Variants in NHS observed in about 807,000 individuals in gnomAD.
NHS encodes the protein NHS actin remodeling regulator.
Under a neutral mutation model 72.5 loss-of-function variants are expected in NHS, and 5 were observed. The ratio of observed to expected loss-of-function variants is 0.07; its 90% confidence interval spans 0.04 to 0.14. The LOEUF (loss-of-function observed/expected upper bound fraction) is 0.14, where lower values mean the gene tolerates loss of function less well. Ranked by LOEUF, NHS falls within the 10% of genes least tolerant of loss-of-function variation. The pLI, the probability that NHS is intolerant of heterozygous loss-of-function variation, is 1.00. For missense variants in NHS, 1,072 were observed against 1,355.7 expected, an observed-to-expected ratio of 0.79 and a Z score of 3.29; for synonymous variants, 464 against 547.7, an observed-to-expected ratio of 0.85 and a Z score of 2.13.
chrX:17,721,162 G>A (rs944398696), intron 4 of NHS, among the ~76,000 whole-genome samples: 1 of 111,835 alleles, frequency 8.9e-6, no homozygotes, highest in Non-Finnish European at 1.9e-5. Flanking sequence ...AATTTTCTTT[G>A]GTGTAAAGTT....
intron 1 of NHS, among the ~76,000 whole-genome samples, chrX:17,419,901 T>C (rs1166011185): frequency 1.8e-5 from 2 of 112,158 alleles, no homozygotes; most frequent in Non-Finnish European, 3.8e-5. Context: ...CTAATATTTC[T>C]AGATATTGGG....
chrX:17,661,687 T>C (rs2065983446), intron 1 of NHS, among the ~76,000 whole-genome samples: 1 of 111,567 alleles, frequency 9.0e-6, no homozygotes, highest in Admixed American at 9.5e-5. Flanking sequence ...CAGTGGCTAC[T>C]TTGATTCACT....
At chrX:17,395,415 T>C (rs1335636804) in intron 1 of NHS, among the ~76,000 whole-genome samples, 1 of 112,167 alleles carries the variant, frequency 8.9e-6, no homozygotes, top group Non-Finnish European at 1.9e-5. Flanking sequence ...ACATGCTGAT[T>C]GTCTAAAATA....
At chrX:17,409,591 G>C (rs774510788) in intron 1 of NHS, among the ~76,000 whole-genome samples, 1 of 111,268 alleles carries the variant, frequency 9.0e-6, no homozygotes, top group Admixed American at 9.6e-5. Context: ...ATGTCTAAGG[G>C]GTGTCACCAG....
chrX:17,676,657 G>A (rs924839028), intron 1 of NHS, among the ~76,000 whole-genome samples: 4 of 112,439 alleles, frequency 3.6e-5, no homozygotes, highest in Non-Finnish European at 7.5e-5. Flanking sequence ...TCTTCAGGGG[G>A]TGTGGGGCTG....
At chrX:17,509,923 G>A (rs565146839) in intron 1 of NHS, among the ~76,000 whole-genome samples, 21 of 112,595 alleles carry the variant, frequency 1.9e-4, no homozygotes, top group East Asian at 2.8e-4. Context: ...CAATTCCAGC[G>A]TCTCTACATT....
At chrX:17,646,565 A>G (rs1363190578) in intron 1 of NHS, among the ~76,000 whole-genome samples, 1 of 111,581 alleles carries the variant, frequency 9.0e-6, no homozygotes, top group Non-Finnish European at 1.9e-5. Context: ...TGCTCTGGAA[A>G]TGTCATTTCT....
At chrX:17,502,788 CAAAAAAAAAAA>C (rs759665461) in intron 1 of NHS, among the ~76,000 whole-genome samples, 1 of 7,102 alleles carries the variant, frequency 1.4e-4, no homozygotes, top group East Asian at 2.9e-3. Flanking sequence ...GACTCCGTCT[CAAAAAAAAAAA>C]AAAAAAAAAA....
chrX:17,392,593 A>G (rs1330644933), intron 1 of NHS, among the ~76,000 whole-genome samples: 1 of 112,136 alleles, frequency 8.9e-6, no homozygotes, highest in Admixed American at 9.5e-5. Context: ...GGAAATAAAA[A>G]CTTGTTAGCA....
chrX:17,468,375 G>C (rs1030583919), intron 1 of NHS, among the ~76,000 whole-genome samples: 2 of 110,478 alleles, frequency 1.8e-5, no homozygotes, highest in African/African-American at 6.6e-5. Context: ...GTGTCTCGCA[G>C]TGTGGAAGTT....
intron 1 of NHS, among the ~76,000 whole-genome samples, chrX:17,599,551 C>A (rs374519186): frequency 9.0e-6 from 1 of 110,611 alleles, no homozygotes; most frequent in African/African-American, 3.3e-5. Flanking sequence ...TAACATCTTA[C>A]ATTAGTATGG....
At chrX:17,720,495 G>A (rs1453713995) in intron 4 of NHS, among the ~76,000 whole-genome samples, 2 of 112,618 alleles carry the variant, frequency 1.8e-5, no homozygotes, top group Non-Finnish European at 3.8e-5. Context: ...AAACTAGGTT[G>A]AGTGGTGAAA....
At chrX:17,597,847 C>A (rs2065632255) in intron 1 of NHS, among the ~76,000 whole-genome samples, 1 of 110,793 alleles carries the variant, frequency 9.0e-6, no homozygotes, top group South Asian at 3.9e-4. Flanking sequence ...AGGAGACACT[C>A]CTCAGGCTCC....
At chrX:17,525,972 G>C (rs2065171781) in intron 1 of NHS, among the ~76,000 whole-genome samples, 1 of 111,826 alleles carries the variant, frequency 8.9e-6, no homozygotes, top group Non-Finnish European at 1.9e-5. Context: ...CCTGTGATGA[G>C]TGATCTAGAG....
chrX:17,584,040 T>C (rs1601787069), intron 1 of NHS, among the ~76,000 whole-genome samples: 1 of 111,391 alleles, frequency 9.0e-6, no homozygotes, highest in Non-Finnish European at 1.9e-5. Context: ...CTGATCGAAG[T>C]GGATAATTTG....
chrX:17,450,949 C>A (rs2064803156), intron 1 of NHS, among the ~76,000 whole-genome samples: 2 of 111,660 alleles, frequency 1.8e-5, no homozygotes, highest in African/African-American at 6.5e-5. Flanking sequence ...ACAAGCTAGA[C>A]CCGCCCCATT....
chrX:17,388,600 G>T (rs1277059418), intron 1 of NHS, among the ~76,000 whole-genome samples: 1 of 109,513 alleles, frequency 9.1e-6, no homozygotes, highest in Non-Finnish European at 1.9e-5. Flanking sequence ...AGTTAGCAAG[G>T]AGGAGAGTAG....
intron 1 of NHS, among the ~76,000 whole-genome samples, chrX:17,463,640 G>A (rs1400851862): frequency 9.0e-6 from 1 of 111,450 alleles, no homozygotes; most frequent in Non-Finnish European, 1.9e-5. Context: ...CCAAGGGAAA[G>A]GTTCCCTTTT....
intron 1 of NHS, among the ~76,000 whole-genome samples, chrX:17,678,236 TTTG>T (rs1335318733): frequency 2.7e-5 from 3 of 110,740 alleles, no homozygotes; most frequent in African/African-American, 6.6e-5. Context: ...AGAGTGGCTT[TTTG>T]TTGTTCTTTT....
Sources: allele counts gnomAD v4.1 joint callset (sites outside exome capture counted in the v4.1 genomes callset), GRCh38; gene constraint gnomAD v4.1.1; transcripts MANE v1.5; gene names NCBI Gene and HGNC (gene_info 2026-07-23, HGNC 2026-07-21).